CAVIN4: variants seen among roughly 807,000 people sequenced by gnomAD.
CAVIN4 encodes the protein caveolae-associated protein 4.
In CAVIN4, 10 loss-of-function variants were observed where a neutral mutation model predicts 18.6. That is an observed-to-expected ratio of 0.54 (90% CI 0.33 to 0.91). CAVIN4 has a LOEUF of 0.91. Among genes scored for constraint, CAVIN4 ranks in the 40% least tolerant of loss-of-function variants. CAVIN4 has a pLI of 0.02. For missense variants in CAVIN4, 459 were observed against 440.5 expected, an observed-to-expected ratio of 1.04 and a Z score of -0.38; for synonymous variants, 173 against 164.8, an observed-to-expected ratio of 1.05 and a Z score of -0.38.
rs199804309 is a variant in CAVIN4, at chr9:100,586,045, G to C, written c.689G>C (p.Arg230Thr). The change falls in exon 2 of 2, where the codon AGG (arginine) becomes ACG (threonine). Residue 230 changes from arginine to threonine, a missense_variant. Arg to Thr is a moderately conservative substitution (Grantham distance 71, BLOSUM62 -1). Transcript: ENST00000307584. ...RIRTRIVTPE[R>T]RERLRQSGER... The stretch of plus-strand genomic sequence containing the variant: ...AGAACTAGAATAGTGACCCCGGAGA[G>C]GAGAGAGAGGCTAAGGCAGTCAGGA... 6.6e-5 allele frequency: 106 copies of C among 1,614,026 alleles called. No individual in the cohort carries two copies. The highest frequency in any genetic ancestry group is 8.1e-5 in the Non-Finnish European group (96 of 1,180,010).
chr9:100,583,709 C>T (rs1461658993), intron 1 of CAVIN4, among the ~76,000 whole-genome samples: 1 of 151,592 alleles, frequency 6.6e-6, no homozygotes, highest in Admixed American at 6.6e-5. Context: ...GGCAGTGGCA[C>T]AATCTCAGCT....
At position 100,586,483 on chromosome 9, in the gene CAVIN4, T is replaced by G; in HGVS notation, c.*32T>G. On this transcript the variant is annotated 3_prime_UTR_variant, in exon 2 of 2. Coordinates refer to ENST00000307584, the MANE Select transcript of CAVIN4 (RefSeq NM_001018116.2). Reference sequence around the variant, plus strand: ...ATTAAGTATATCCTAAATATGAATCTCCTAATCATGCAGTTTTAGTTTGAA... The same window carrying G: ...ATTAAGTATATCCTAAATATGAATCGCCTAATCATGCAGTTTTAGTTTGAA... 6.4e-7 allele frequency: 1 copy of G among 1,567,854 alleles called. No homozygotes were observed. Among genetic ancestry groups the G allele is most frequent in the South Asian group, 1.1e-5 (1 of 90,160 alleles).
In CAVIN4 at chr9:100,586,152, A is replaced by C; in HGVS notation, c.796A>C (p.Lys266Gln). Residue 266 changes from lysine to glutamine, a missense_variant, in exon 2 of 2, where the codon AAG becomes CAG. Transcript: ENST00000307584. ...KKSISNAAPS[K>Q]EAFKMRSLRK... ...ATCTATTTCTAATGCAGCTCCCTCA[A>C]AGGAAGCTTTTAAGATGCGCAGCCT... The C allele has an allele frequency of 6.4e-7, 1 of 1,571,726 alleles. No homozygotes were observed.
chr9:100,585,688 G>A, intron 1 of CAVIN4, 77 bp from the exon 2 acceptor site: 1 of 1,110,420 alleles, frequency 9.0e-7, no homozygotes, highest in Non-Finnish European at 1.4e-6. Flanking sequence ...AGATTTACAA[G>A]GCATGGCCAG....
chr9:100,581,946 G>C (rs1165138223), intron 1 of CAVIN4, among the ~76,000 whole-genome samples: 5 of 152,120 alleles, frequency 3.3e-5, no homozygotes, highest in Admixed American at 1.3e-4. Flanking sequence ...TTAGCTCCTA[G>C]ACTCTCTAAT....
intron 1 of CAVIN4, among the ~76,000 whole-genome samples, chr9:100,584,553 A>G (rs1839458566): frequency 6.6e-6 from 1 of 152,264 alleles, no homozygotes; most frequent in Non-Finnish European, 1.5e-5. Context: ...TGGGAGATAC[A>G]TATTTTTGAG....
rs538484375 is a variant in CAVIN4 at position 100,578,536 on chromosome 9, C to T, written c.393C>T (p.Arg131=). Residue 131 remains arginine, a synonymous_variant, in exon 1 of 2, where the codon CGC becomes CGT. Transcript: ENST00000307584. Reference sequence around the variant, plus strand: ...AAATAATGAAGAAAAACAAATTCCGCGTGGTAATATTCCAGGTAAGCTTGC... The same window carrying T: ...AAATAATGAAGAAAAACAAATTCCGTGTGGTAATATTCCAGGTAAGCTTGC... ...QEEIMKKNKF[R]VVIFQEKFRC... 44 of 1,613,104 alleles carry T rather than the reference C, an allele frequency of 2.7e-5. No individual in the cohort carries two copies. Among genetic ancestry groups the T allele is most frequent in the Admixed American group, 1.3e-4 (8 of 59,994 alleles).
upstream of CAVIN4, chr9:100,578,074 A>T: frequency 6.5e-7 from 1 of 1,542,056 alleles, no homozygotes; most frequent in Admixed American, 1.7e-5. Context: ...GCCTGTTATC[A>T]AGCTGACTTT....
chr9:100,580,556 T>C (rs1461321707), intron 1 of CAVIN4, among the ~76,000 whole-genome samples: 2 of 152,250 alleles, frequency 1.3e-5, no homozygotes, highest in Non-Finnish European at 2.9e-5. Context: ...AGCAAAGAAG[T>C]TTCTGAAAAG....
chr9:100,586,080 A>T lies in CAVIN4; in HGVS notation c.724A>T (p.Arg242Ter). ...GCTAAGGCAGTCAGGAGAGAGGCTG[A>T]GACAGTCAGGGGAGAGGCTGAGACA... ...ERLRQSGERL[R>*]QSGERLRQSG... is the part of the protein sequence containing the mutation. Residue 242 changes from arginine (R) to a stop codon, truncating the protein, a stop_gained, in exon 2 of 2, where the codon AGA (arginine) becomes TGA (stop). Coordinates refer to ENST00000307584, the MANE Select transcript of CAVIN4 (RefSeq NM_001018116.2). LOFTEE classifies it low-confidence loss of function (END_TRUNC). 6.2e-7 allele frequency: 1 copy of T among 1,612,630 alleles called. No individual in the cohort carries two copies. The highest frequency in any genetic ancestry group is 8.5e-7 in the Non-Finnish European group (1 of 1,179,162).
At position 100,586,584 on chromosome 9, in the gene CAVIN4, A is replaced by C; in HGVS notation, c.*133A>C. 1 of 592,272 alleles carries C rather than the reference A, an allele frequency of 1.7e-6. No homozygotes were observed. The highest frequency in any genetic ancestry group is 2.8e-6 in the Non-Finnish European group (1 of 361,820). 36.7% of individuals were successfully genotyped at this position (592,272 alleles called of 1,614,324 possible). A position where few individuals can be genotyped will look rare whatever the true frequency, so the allele number is the denominator to read the frequency against. On this transcript the variant is annotated 3_prime_UTR_variant, in exon 2 of 2. Transcript: ENST00000307584. ...TTTTTTCTTATATTTAAAATCTTGA[A>C]GATAATATAAATATTATTATCACTC...
intron 1 of CAVIN4, among the ~76,000 whole-genome samples, chr9:100,584,629 G>A (rs965365183): frequency 2.0e-5 from 3 of 152,230 alleles, no homozygotes; most frequent in Non-Finnish European, 4.4e-5. Flanking sequence ...ATTTGAGATA[G>A]AGTTAGCCAC....
chr9:100,582,633 C>T (rs775444686), intron 1 of CAVIN4, among the ~76,000 whole-genome samples: 3 of 152,060 alleles, frequency 2.0e-5, no homozygotes, highest in Non-Finnish European at 4.4e-5. Context: ...GCACCCAGCC[C>T]CTCCCTTTCT....
chr9:100,586,626 T>C lies in CAVIN4; in HGVS notation c.*175T>C. 2.1e-6 allele frequency: 1 copy of C among 484,998 alleles called. No homozygotes were observed. The highest frequency in any genetic ancestry group is 3.5e-6 in the Non-Finnish European group (1 of 289,648). The allele number at this position is 484,998 out of a possible 1,614,324, so 30.0% of individuals were successfully genotyped here. On this transcript the variant is annotated 3_prime_UTR_variant, in exon 2 of 2. Transcript: ENST00000307584. ...TTATCACTCTTTCTCATGGCAGCTGTGGATTTTTTAGTTCCTTTCTCTTGT... is the reference window on the plus strand; with the variant it reads ...TTATCACTCTTTCTCATGGCAGCTGCGGATTTTTTAGTTCCTTTCTCTTGT...
At chr9:100,578,689 A>G (rs1564032555) in intron 1 of CAVIN4, 138 bp downstream of exon 1, 6 of 833,654 alleles carry the variant, frequency 7.2e-6, no homozygotes, top group Non-Finnish European at 5.9e-6. Context: ...ATTAGCAGCA[A>G]TCTCAGGATA....
chr9:100,578,997 C>T (rs1839400893), intron 1 of CAVIN4, among the ~76,000 whole-genome samples: 1 of 152,060 alleles, frequency 6.6e-6, no homozygotes, highest in African/African-American at 2.4e-5. Context: ...TATGGAGAGC[C>T]TGGAAAGGCC....
rs1839479483 is a variant in CAVIN4 at position 100,586,337 on chromosome 9, T to TC, written c.985dup (p.His329ProfsTer2). ...ACGAGGCAGCCAGGCCGGTGTATCCTCCCCATGAAGGAAGGGAAATCCCCA... is the reference window on the plus strand; with the variant it reads ...ACGAGGCAGCCAGGCCGGTGTATCCTCCCCCATGAAGGAAGGGAAATCCCCA... On this transcript the variant is annotated frameshift_variant, in exon 2 of 2. Coordinates refer to ENST00000307584, the MANE Select transcript of CAVIN4 (RefSeq NM_001018116.2). LOFTEE classifies it high-confidence loss of function. 1 of 1,613,832 alleles carries TC rather than the reference T, an allele frequency of 6.2e-7. No individual in the cohort carries two copies.
chr9:100,586,903 G>T lies in CAVIN4; in HGVS notation c.*452G>T. ...ATTGAAGTTTTGGACTTGAGCATTT[G>T]GCTCTAGTATCATAGCTTTACTTAT... On this transcript the variant is annotated 3_prime_UTR_variant, in exon 2 of 2. Coordinates refer to ENST00000307584, the MANE Select transcript of CAVIN4 (RefSeq NM_001018116.2). 1 of 155,940 alleles carries T rather than the reference G, an allele frequency of 6.4e-6. No homozygotes were observed. The highest frequency in any genetic ancestry group is 1.4e-5 in the Non-Finnish European group (1 of 70,662). 9.7% of individuals were successfully genotyped at this position (155,940 alleles called of 1,614,324 possible). A position where few individuals can be genotyped will look rare whatever the true frequency, so the allele number is the denominator to read the frequency against.
chr9:100,585,768 A>G lies in CAVIN4; in HGVS notation c.412A>G (p.Lys138Glu), dbSNP rs2118613923. ...CTTTGTTTTTTCTCTCCTTCAGGAG[A>G]AGTTTCGGTGTCCGACATCCCTGTC... ...NKFRVVIFQE[K>E]FRCPTSLSVV... The change falls in exon 2 of 2, where the codon AAG becomes GAG. Residue 138 changes from lysine (K) to glutamate (E), a missense_variant. Lys to Glu is a moderately conservative substitution (Grantham distance 56). Transcript: ENST00000307584. 2 of 1,613,790 alleles carry G rather than the reference A, an allele frequency of 1.2e-6. No homozygotes were observed. The highest frequency in any genetic ancestry group is 2.7e-5 in the African/African-American group (2 of 75,032).
Sources: gnomAD v4.1 joint callset for allele counts (sites outside exome capture counted in the v4.1 genomes callset) on GRCh38, gnomAD v4.1.1 for gene constraint, MANE v1.5 for transcripts, NCBI Gene and HGNC (gene_info 2026-07-23, HGNC 2026-07-21) for gene names.